The following SCG5 variants were observed in gnomAD, a reference collection of about 807,000 sequenced individuals.
SCG5 encodes the protein neuroendocrine protein 7B2.
Under a neutral mutation model 25.7 loss-of-function variants are expected in SCG5, and 18 were observed. That is an observed-to-expected ratio of 0.70 (90% CI 0.48 to 1.04). The LOEUF is 1.04. Ranked by LOEUF, SCG5 falls within the 50% of genes least tolerant of loss-of-function variation. The probability of loss-of-function intolerance (pLI) is 0.00; values close to 1 mark genes in which losing one functional copy is unlikely to be tolerated. For missense variants in SCG5, 206 were observed against 259.8 expected (o/e 0.79, Z 1.42); for synonymous variants, 101 against 91.7 (o/e 1.10, Z -0.58).
chr15:32,677,596 G>A (rs190894309), intron 2 of SCG5: 2 of 152,090 alleles, frequency 1.3e-5, no homozygotes, highest in Admixed American at 1.3e-4. Flanking sequence ...ATGGAAGCAT[G>A]GTGTTGTTTT....
intron 5 of SCG5, among the ~76,000 whole-genome samples, chr15:32,693,180 C>T (rs1567092063): frequency 6.6e-6 from 1 of 152,150 alleles, no homozygotes; most frequent in Non-Finnish European, 1.5e-5. Flanking sequence ...AAATCAATAA[C>T]TTAGCTTGAA....
At chr15:32,684,073 A>G (rs1446627798) in intron 3 of SCG5, among the ~76,000 whole-genome samples, 3 of 152,248 alleles carry the variant, frequency 2.0e-5, no homozygotes, top group Non-Finnish European at 4.4e-5. Context: ...CCAGACTGCC[A>G]TCTTTACACT....
chr15:32,663,051 ATAT>A (rs1273547696), intron 2 of SCG5, among the ~76,000 whole-genome samples: 1 of 75,288 alleles, frequency 1.3e-5, no homozygotes, highest in East Asian at 6.7e-4. Flanking sequence ...ATATATATAT[ATAT>A]ATATATATAT....
intron 2 of SCG5, among the ~76,000 whole-genome samples, chr15:32,655,500 A>G (rs1380731760): frequency 6.6e-6 from 1 of 152,048 alleles, no homozygotes; most frequent in Non-Finnish European, 1.5e-5. Flanking sequence ...CCCCCAAGCT[A>G]TGCAGCCTCA....
At chr15:32,691,803 A>G in intron 5 of SCG5, 40 bp downstream of exon 5, 2 of 1,605,402 alleles carry the variant, frequency 1.2e-6, no homozygotes, top group Non-Finnish European at 1.7e-6. Context: ...GGATGCTTGG[A>G]GCTTTCTGAG....
chr15:32,668,897 C>T (rs1567079518), intron 2 of SCG5: 1 of 152,250 alleles, frequency 6.6e-6, no homozygotes, highest in East Asian at 1.9e-4. Flanking sequence ...GATGCTGGGT[C>T]ACTAATTATA....
rs545493719 is a variant in SCG5, at chr15:32,678,830, T to C, written c.227-936T>C. On this transcript the variant is annotated intron_variant, in intron 2 of 5. Coordinates refer to ENST00000300175, the MANE Select transcript of SCG5 (RefSeq NM_001144757.3). ...CATTGGACTAAAAACTACATAGCCA[T>C]TTATAATTACAGGAATAGAGACCAT... is the stretch of plus-strand genomic sequence containing the variant. Among the ~76,000 whole-genome samples the C allele has an allele frequency of 3.3e-5, 5 of 152,302 alleles. No individual in the cohort carries two copies. In the East Asian group the frequency reaches 9.6e-4, roughly 29 times the overall value.
At chr15:32,689,990 C>T (rs1488574046) in intron 4 of SCG5, among the ~76,000 whole-genome samples, 12 of 152,126 alleles carry the variant, frequency 7.9e-5, no homozygotes, top group African/African-American at 2.7e-4. Context: ...TACAGGCGCC[C>T]GCCACCACGC....
chr15:32,693,827 C>T (rs2054907054), intron 5 of SCG5, among the ~76,000 whole-genome samples: 1 of 152,036 alleles, frequency 6.6e-6, no homozygotes, highest in African/African-American at 2.4e-5. Context: ...AGCCAAGGCT[C>T]AGCTAGGCAT....
In SCG5 at chr15:32,645,572, A is replaced by G. The variant is rs374865475; in HGVS notation, c.226+1754A>G. On this transcript the variant is annotated intron_variant, in intron 2 of 5. Transcript: ENST00000300175. ...CAAACAGGAGTAATTTAGTCTGCTT[A>G]GGAGTGGATGGGGTGGCTATAAGGA... Among the ~76,000 whole-genome samples, 17 of 152,316 alleles carry G rather than the reference A, an allele frequency of 1.1e-4. No homozygotes were observed. In the East Asian group the frequency reaches 1.2e-3, roughly 10 times the overall value.
chr15:32,646,397 T>G (rs1013702365), intron 2 of SCG5, among the ~76,000 whole-genome samples: 1 of 152,202 alleles, frequency 6.6e-6, no homozygotes, highest in African/African-American at 2.4e-5. Flanking sequence ...CTGAGTTCCC[T>G]TTCTCTTGCT....
intron 2 of SCG5, among the ~76,000 whole-genome samples, chr15:32,654,613 C>T (rs1346687026): frequency 4.6e-5 from 7 of 152,188 alleles, no homozygotes; most frequent in African/African-American, 1.4e-4. Context: ...ATGATCCTCA[C>T]TCCTGGGCTC....
chr15:32,671,485 A>G (rs1166918679), intron 2 of SCG5, among the ~76,000 whole-genome samples: 1 of 152,036 alleles, frequency 6.6e-6, no homozygotes, highest in Non-Finnish European at 1.5e-5. Flanking sequence ...CCCCATTCCT[A>G]GGGGCCAATC....
At chr15:32,656,874 G>A (rs1010141235) in intron 2 of SCG5, among the ~76,000 whole-genome samples, 13 of 152,000 alleles carry the variant, frequency 8.6e-5, no homozygotes, top group African/African-American at 3.1e-4. Flanking sequence ...GGTGTGCTGT[G>A]TGATGTTAGT....
rs370278754 is a variant in SCG5 at position 32,674,594 on chromosome 15, G to C, written c.227-5172G>C. On this transcript the variant is annotated intron_variant, in intron 2 of 5. Coordinates refer to ENST00000300175, the MANE Select transcript of SCG5 (RefSeq NM_001144757.3). Reference sequence around the variant, plus strand: ...TTTTTAAGTAACCAGAAAAGTTAGTGCCCTCTTCTGGACAAGCGATCATTG... The same window carrying C: ...TTTTTAAGTAACCAGAAAAGTTAGTCCCCTCTTCTGGACAAGCGATCATTG... Among the ~76,000 whole-genome samples, 8 of 152,296 alleles carry C rather than the reference G, an allele frequency of 5.3e-5. No individual in the cohort carries two copies. In the South Asian group the frequency reaches 1.0e-3, roughly 20 times the overall value.
intron 2 of SCG5, among the ~76,000 whole-genome samples, chr15:32,678,833 A>G (rs147819839): frequency 8.5e-4 from 129 of 152,366 alleles, no homozygotes; most frequent in African/African-American, 2.7e-3. Context: ...ATAGCCATTT[A>G]TAATTACAGG....
intron 2 of SCG5, among the ~76,000 whole-genome samples, chr15:32,650,305 G>A (rs2054013954): frequency 6.6e-6 from 1 of 152,110 alleles, no homozygotes; most frequent in African/African-American, 2.4e-5. Flanking sequence ...GTTTCACCAT[G>A]TTAGCCAGGA....
intron 2 of SCG5, among the ~76,000 whole-genome samples, chr15:32,653,015 A>G (rs1240807808): frequency 1.3e-5 from 2 of 152,242 alleles, no homozygotes; most frequent in Non-Finnish European, 2.9e-5. Flanking sequence ...TAATCTTAAT[A>G]GGGTGTTGGG....
chr15:32,650,863 T>A (rs1049145125), intron 2 of SCG5, among the ~76,000 whole-genome samples: 4 of 152,340 alleles, frequency 2.6e-5, no homozygotes, highest in South Asian at 2.1e-4. Context: ...TAGCATTTGA[T>A]GGCTCTGAGT....
Sources: allele counts gnomAD v4.1 joint callset (sites outside exome capture counted in the v4.1 genomes callset), GRCh38; gene constraint gnomAD v4.1.1; transcripts MANE v1.5; gene names NCBI Gene and HGNC (gene_info 2026-07-23, HGNC 2026-07-21).